Variants in SLC37A3 observed in about 807,000 individuals in gnomAD.
The protein encoded by SLC37A3 is solute carrier family 37 member 3.
Under a neutral mutation model 67.1 loss-of-function variants are expected in SLC37A3, and 51 were observed. The observed-to-expected ratio is 0.76, with a 90% CI of 0.61 to 0.96. The LOEUF (loss-of-function observed/expected upper bound fraction) is 0.96. Ranked by LOEUF, SLC37A3 falls within the 40% of genes least tolerant of loss-of-function variation. The pLI is 0.00. For missense variants in SLC37A3, 508 were observed against 603.0 expected (o/e 0.84, Z 1.65); for synonymous variants, 214 against 231.4 (o/e 0.92, Z 0.68).
intron 1 of SLC37A3, among the ~76,000 whole-genome samples, chr7:140,390,988 A>T (rs1798705704): frequency 6.6e-6 from 1 of 152,102 alleles, no homozygotes; most frequent in Non-Finnish European, 1.5e-5. Context: ...GCCACAGAAA[A>T]ATCACTCAAG....
rs1242523556 is a variant in SLC37A3, at chr7:140,398,494, C to A, written c.-149G>T. ...GCTTGGCTCCGCTGCCCGCCTCCCC[C>A]GCCGCCAGCTCACCCCTGGCGGTGC... is the stretch of plus-strand genomic sequence containing the variant. On this transcript the variant is annotated 5_prime_UTR_variant, in exon 1 of 15. Coordinates refer to ENST00000326232, the MANE Select transcript of SLC37A3 (RefSeq NM_207113.3). The A allele has an allele frequency of 6.6e-6, 1 of 152,290 alleles. No homozygotes were observed. The highest frequency in any genetic ancestry group is 2.1e-4 in the South Asian group (1 of 4,834). The allele number at this position is 152,290 out of a possible 1,614,324, so 9.4% of individuals were successfully genotyped here. A position where few individuals can be genotyped will look rare whatever the true frequency, so the allele number is the denominator to read the frequency against.
chr7:140,389,818 T>TA (rs1469822973), intron 1 of SLC37A3, among the ~76,000 whole-genome samples: 1 of 152,180 alleles, frequency 6.6e-6, no homozygotes, highest in Non-Finnish European at 1.5e-5. Flanking sequence ...TAGTGGTATT[T>TA]AGAGTCCTTT....
intron 1 of SLC37A3, among the ~76,000 whole-genome samples, chr7:140,385,345 G>C (rs1422932482): frequency 6.6e-6 from 1 of 152,148 alleles, no homozygotes; most frequent in Non-Finnish European, 1.5e-5. Flanking sequence ...ATTCCAGGAA[G>C]TTACAAAAAC....
At chr7:140,348,494 C>G in intron 10 of SLC37A3, 132 bp downstream of exon 10, 6 of 605,392 alleles carry the variant, frequency 9.9e-6, no homozygotes, top group Non-Finnish European at 1.2e-5. Flanking sequence ...TGGCTGTTTA[C>G]TAGTAGGACA....
chr7:140,361,881 G>A (rs1481709756), intron 5 of SLC37A3, among the ~76,000 whole-genome samples: 3 of 144,122 alleles, frequency 2.1e-5, no homozygotes, highest in Non-Finnish European at 1.5e-5. Flanking sequence ...GAGTGCAGTG[G>A]CGTGATCTCG....
At chr7:140,391,783 C>G (rs1798735620) in intron 1 of SLC37A3, among the ~76,000 whole-genome samples, 1 of 152,146 alleles carries the variant, frequency 6.6e-6, no homozygotes, top group African/African-American at 2.4e-5. Flanking sequence ...TCACCAGACA[C>G]TCAGCTGATA....
Position 140,361,483 on chromosome 7 carries a change from C to T in SLC37A3, c.376-2698G>A, listed in dbSNP as rs1484622350. ...GGCAACAAGAGCAAAACTCCGGACA[C>T]ACAGCCTCTCCCTCCCCCTCCCCCT... On this transcript the variant is annotated intron_variant, in intron 5 of 14. Transcript: ENST00000326232. Among the ~76,000 whole-genome samples, 2 of 135,990 alleles carry T rather than the reference C, an allele frequency of 1.5e-5. 1 individual carries two copies. The highest frequency in any genetic ancestry group is 3.2e-5 in the Non-Finnish European group (2 of 62,852). The allele number at this position is 135,990 out of a possible 152,430, so 89.2% of individuals were successfully genotyped here. A position where few individuals can be genotyped will look rare whatever the true frequency, so the allele number is the denominator to read the frequency against.
chr7:140,342,756 T>C (rs6464696), intron 13 of SLC37A3, among the ~76,000 whole-genome samples: 103,701 of 150,626 alleles, frequency 0.69, 36,040 homozygotes, highest in African/African-American at 0.83. Flanking sequence ...CATCTGAGTG[T>C]GGAAGAATCA....
chr7:140,342,979 G>A (rs1172882532), intron 13 of SLC37A3, among the ~76,000 whole-genome samples: 1 of 152,160 alleles, frequency 6.6e-6, no homozygotes, highest in Non-Finnish European at 1.5e-5. Flanking sequence ...CATGTCTGGC[G>A]GGGCCCAGGA....
At chr7:140,346,123 T>C (rs1478684106) in intron 10 of SLC37A3, among the ~76,000 whole-genome samples, 153 bp from the exon 11 acceptor site, 1 of 152,088 alleles carries the variant, frequency 6.6e-6, no homozygotes, top group Non-Finnish European at 1.5e-5. Context: ...CTCACACCTG[T>C]AATCCCAGCT....
At chr7:140,348,878 C>T in intron 9 of SLC37A3, 111 bp from the exon 10 acceptor site, 1 of 1,318,942 alleles carries the variant, frequency 7.6e-7, no homozygotes, top group Non-Finnish European at 1.0e-6. Context: ...ATGAACAGAA[C>T]CTGATTTTAC....
intron 10 of SLC37A3, 43 bp from the exon 11 acceptor site, chr7:140,346,013 G>C: frequency 6.9e-7 from 1 of 1,458,682 alleles, no homozygotes; most frequent in Non-Finnish European, 9.6e-7. Context: ...TTCTAATTTA[G>C]CTCGCTCACC....
chr7:140,337,098 C>CAAAAAAAAAAAAAA (rs1172096190), intron 14 of SLC37A3, among the ~76,000 whole-genome samples, 186 bp downstream of exon 14: 1 of 69,632 alleles, frequency 1.4e-5, no homozygotes, highest in Non-Finnish European at 2.7e-5. Flanking sequence ...GACTCTGCCT[C>CAAAAAAAAAAAAAA]AAAAAAAAAA....
chr7:140,333,791 C>T lies in SLC37A3; in HGVS notation c.*1621G>A, dbSNP rs1334997242. The T allele has an allele frequency of 2.6e-5, 4 of 152,568 alleles. No homozygotes were observed. The highest frequency in any genetic ancestry group is 2.0e-4 in the Admixed American group (3 of 15,272). The allele number at this position is 152,568 out of a possible 1,614,324, so 9.5% of individuals were successfully genotyped here. ...CAGTTTATTTTCCCTTTCTGTGTTTCGTATTTTCCCTTTTTGTCAGTAAAT... is the reference window on the plus strand; with the variant it reads ...CAGTTTATTTTCCCTTTCTGTGTTTTGTATTTTCCCTTTTTGTCAGTAAAT... On this transcript the variant is annotated 3_prime_UTR_variant, in exon 15 of 15. Coordinates refer to ENST00000326232, the MANE Select transcript of SLC37A3 (RefSeq NM_207113.3).
chr7:140,389,502 A>G (rs763244469), intron 1 of SLC37A3, among the ~76,000 whole-genome samples: 1 of 152,066 alleles, frequency 6.6e-6, no homozygotes, highest in Non-Finnish European at 1.5e-5. Flanking sequence ...TATTTTTAAA[A>G]ACTCTGATCC....
At chr7:140,359,989 G>A (rs1585297763) in intron 5 of SLC37A3, among the ~76,000 whole-genome samples, 2 of 152,152 alleles carry the variant, frequency 1.3e-5, no homozygotes, top group East Asian at 1.9e-4. Flanking sequence ...TAAATAAAGT[G>A]CTTCCATCTC....
rs140927306 is a variant in SLC37A3, at chr7:140,340,977, C to T, written c.1326+2435G>A. On this transcript the variant is annotated intron_variant, in intron 13 of 14. Transcript: ENST00000326232. ...GAGAGCCAGGGTCTGGCTCTGTCAC[C>T]CAGGCTGGACTGGAGTGGTGTGATC... Among the ~76,000 whole-genome samples, 232 of 152,090 alleles carry T rather than the reference C, an allele frequency of 1.5e-3. 1 individual carries two copies. The highest frequency in any genetic ancestry group is 5.4e-3 in the African/African-American group (225 of 41,512).
At chr7:140,348,470 T>C (rs1796661924) in intron 10 of SLC37A3, 156 bp downstream of exon 10, 1 of 684,948 alleles carries the variant, frequency 1.5e-6, no homozygotes, top group African/African-American at 1.9e-5. Flanking sequence ...TTCTTTTTTT[T>C]TTTTTTTTGA....
chr7:140,391,358 T>C (rs10452839), intron 1 of SLC37A3, among the ~76,000 whole-genome samples: 103,555 of 152,126 alleles, frequency 0.68, 35,479 homozygotes, highest in South Asian at 0.8. Context: ...AGCTCGAGGC[T>C]AGCCTGGCCA....
Sources: gnomAD v4.1 joint callset for allele counts (sites outside exome capture counted in the v4.1 genomes callset) on GRCh38, gnomAD v4.1.1 for gene constraint, MANE v1.5 for transcripts, NCBI Gene and HGNC (gene_info 2026-07-23, HGNC 2026-07-21) for gene names.